Variants in LRRIQ1 observed in about 807,000 individuals in gnomAD.
The protein encoded by LRRIQ1 is leucine rich repeats and IQ motif containing 1, also known as leucine-rich repeat- and IQ domain-containing protein 1.
In LRRIQ1, 210 loss-of-function variants were observed where a neutral mutation model predicts 211.9. That is an observed-to-expected ratio of 0.99 (90% CI 0.89 to 1.11). LRRIQ1 has a LOEUF of 1.11. Ranked by LOEUF, LRRIQ1 falls within the 50% of genes most tolerant of loss-of-function variation. The probability of loss-of-function intolerance (pLI) is 0.00; values close to 1 mark genes in which losing one functional copy is unlikely to be tolerated. For synonymous variants in LRRIQ1, 699 were observed against 650.1 expected (o/e 1.08, Z -1.14); for missense variants, 2,136 against 1,939.5 (o/e 1.10, Z -1.90).
At position 85,052,189 on chromosome 12, in the gene LRRIQ1, A is replaced by G. The variant is rs776954811; in HGVS notation, c.691A>G (p.Lys231Glu). The G allele has an allele frequency of 2.0e-6, 3 of 1,535,752 alleles. No homozygotes were observed. In the African/African-American group the frequency reaches 4.2e-5, roughly 21 times the overall value. The change falls in exon 7 of 27, where the codon AAG (lysine) becomes GAG (glutamate). Residue 231 changes from lysine (K) to glutamate (E), a missense_variant. Transcript: ENST00000393217. ...ATCATATGTTCAGCAAGAACAGGAC[A>G]AGATGAATGATGAACTCTATAAAGA... ...LENIQKQEQD[K>E]MNDELYKEEK...
chr12:85,050,935 A>G (rs1880232571), intron 6 of LRRIQ1, among the ~76,000 whole-genome samples: 1 of 152,126 alleles, frequency 6.6e-6, no homozygotes, highest in Non-Finnish European at 1.5e-5. Context: ...CTATCTACAG[A>G]AGGTCCTACT....
rs997162015 is a variant in LRRIQ1 at position 85,127,850 on chromosome 12, C to G, written c.4026C>G (p.Ile1342Met). The change falls in exon 18 of 27, where the codon ATC (isoleucine) becomes ATG (methionine). Residue 1342 changes from isoleucine (I) to methionine (M), a missense_variant. Transcript: ENST00000393217. ...TTAATAGTATGGCAGCTGTGGTAATCCAGTCATACTGGCGTGGTTACCTCA... is the reference window on the plus strand; with the variant it reads ...TTAATAGTATGGCAGCTGTGGTAATGCAGTCATACTGGCGTGGTTACCTCA... ...PSEKIMAAVV[I>M]QSYWRGYLMR... is the part of the protein sequence containing the mutation. 6.2e-6 allele frequency: 10 copies of G among 1,613,264 alleles called. No individual in the cohort carries two copies. Among genetic ancestry groups the G allele is most frequent in the Non-Finnish European group, 8.5e-6 (10 of 1,179,802 alleles).
chr12:85,212,684 C>T (rs777761941), intron 24 of LRRIQ1, among the ~76,000 whole-genome samples: 2 of 149,798 alleles, frequency 1.3e-5, no homozygotes, highest in African/African-American at 4.9e-5. Flanking sequence ...TTTTAGATTA[C>T]GTTAAATTCC....
chr12:85,127,898 C>T lies in LRRIQ1; in HGVS notation c.4074C>T (p.Ser1358=). 6.2e-7 allele frequency: 1 copy of T among 1,613,996 alleles called. No homozygotes were observed. The highest frequency in any genetic ancestry group is 8.5e-7 in the Non-Finnish European group (1 of 1,180,000). ...TCATGCGCAGACAGACTCATTTCTCCACAAGGCTACATACTGCTGCAACAG... is the reference window on the plus strand; with the variant it reads ...TCATGCGCAGACAGACTCATTTCTCTACAAGGCTACATACTGCTGCAACAG... ...GYLMRRQTHF[S]TRLHTAATEG... The change falls in exon 18 of 27, where the codon TCC becomes TCT. Residue 1358 remains serine, a synonymous_variant. Coordinates refer to ENST00000393217, the MANE Select transcript of LRRIQ1 (RefSeq NM_001079910.2).
intron 26 of LRRIQ1, among the ~76,000 whole-genome samples, chr12:85,236,119 T>C (rs1456867742): frequency 2.0e-5 from 3 of 152,078 alleles, no homozygotes; most frequent in Non-Finnish European, 4.4e-5. Context: ...GTGGACAGAA[T>C]TCAGAAGGTT....
chr12:85,092,720 C>A (rs1885517909), intron 11 of LRRIQ1, among the ~76,000 whole-genome samples: 1 of 152,184 alleles, frequency 6.6e-6, no homozygotes, highest in Admixed American at 6.6e-5. Context: ...CCTGCACTAA[C>A]CTTTGGTGTT....
chr12:85,118,972 C>T (rs561181283), intron 15 of LRRIQ1, among the ~76,000 whole-genome samples: 1 of 152,198 alleles, frequency 6.6e-6, no homozygotes, highest in African/African-American at 2.4e-5. Flanking sequence ...CAAAATTCTG[C>T]ACCAGAGAGG....
intron 11 of LRRIQ1, among the ~76,000 whole-genome samples, chr12:85,082,237 A>G (rs1592758419): frequency 6.6e-6 from 1 of 152,198 alleles, no homozygotes; most frequent in East Asian, 1.9e-4. Context: ...TATTGTTATT[A>G]TTATTAACTT....
chr12:85,217,401 T>C (rs1054540899), intron 24 of LRRIQ1, among the ~76,000 whole-genome samples: 6 of 144,778 alleles, frequency 4.1e-5, no homozygotes, highest in Admixed American at 2.1e-4. Flanking sequence ...TATATGTAAA[T>C]CAGTAGAATT....
At chr12:85,252,991 T>G (rs1895992156) in intron 1 of LRRIQ1, among the ~76,000 whole-genome samples, 1 of 152,008 alleles carries the variant, frequency 6.6e-6, no homozygotes, top group Non-Finnish European at 1.5e-5. Context: ...GATACAGTTT[T>G]TTTAAAGTAG....
intron 24 of LRRIQ1, among the ~76,000 whole-genome samples, chr12:85,220,133 A>G (rs1894329335): frequency 6.6e-6 from 1 of 152,160 alleles, no homozygotes; most frequent in Admixed American, 6.6e-5. Flanking sequence ...TACCAAAAAT[A>G]TTTCCATTGC....
intron 2 of LRRIQ1, among the ~76,000 whole-genome samples, chr12:85,039,387 T>A (rs1878586404): frequency 6.6e-6 from 1 of 151,580 alleles, no homozygotes; most frequent in Non-Finnish European, 1.5e-5. Context: ...ACAATCCAGG[T>A]AGCTTAGAAT....
intron 24 of LRRIQ1, among the ~76,000 whole-genome samples, chr12:85,197,586 C>G (rs1475179190): frequency 6.6e-6 from 1 of 150,860 alleles, no homozygotes; most frequent in Non-Finnish European, 1.5e-5. Context: ...GAACAAAAAA[C>G]CAAACACCAC....
intron 11 of LRRIQ1, chr12:85,076,549 A>G (rs1440063836): frequency 1.5e-6 from 1 of 660,430 alleles, no homozygotes; most frequent in Non-Finnish European, 1.9e-6. Context: ...TTCCTTCTTT[A>G]TTTTCTAGAT....
rs143955993 is a variant in LRRIQ1, at chr12:85,207,851, T to A, written c.4823-21666T>A. Among the ~76,000 whole-genome samples, 196 of 152,282 alleles carry A rather than the reference T, an allele frequency of 1.3e-3. 1 individual carries two copies. The highest frequency in any genetic ancestry group is 4.5e-3 in the African/African-American group (188 of 41,562). On this transcript the variant is annotated intron_variant, in intron 24 of 26. Transcript: ENST00000393217. The stretch of plus-strand genomic sequence containing the variant: ...GATCAGTTGACTATATTTTTGTGGA[T>A]CTATTTCTGACTTGTCTATTATGTT...
At chr12:85,261,765 T>TTTTATTTTATTTA (rs1555231834) in intron 1 of LRRIQ1, among the ~76,000 whole-genome samples, 1 of 139,666 alleles carries the variant, frequency 7.2e-6, no homozygotes, top group Non-Finnish European at 1.5e-5. Context: ...TTTTTGTTTA[T>TTTTATTTTATTTA]TTTATTTATT....
chr12:85,118,407 A>G (rs1251051479), intron 15 of LRRIQ1, among the ~76,000 whole-genome samples: 1 of 151,486 alleles, frequency 6.6e-6, no homozygotes, highest in Non-Finnish European at 1.5e-5. Context: ...TTATTTAAAT[A>G]TTGATGAGAA....
chr12:85,054,677 T>C (rs1033974993), intron 7 of LRRIQ1, among the ~76,000 whole-genome samples: 7 of 151,722 alleles, frequency 4.6e-5, no homozygotes, highest in African/African-American at 1.7e-4. Flanking sequence ...TAATCAGCTA[T>C]CCAGCCATTC....
intron 26 of LRRIQ1, among the ~76,000 whole-genome samples, chr12:85,243,313 TTTATTATTATTA>T (rs10682844): frequency 0.04 from 5,667 of 140,688 alleles, 354 homozygotes; most frequent in African/African-American, 0.13. Context: ...ATGTATAACT[TTTATTATTATTA>T]TTATTATTAT....
Sources: allele counts gnomAD v4.1 joint callset (sites outside exome capture counted in the v4.1 genomes callset), GRCh38; gene constraint gnomAD v4.1.1; transcripts MANE v1.5; gene names NCBI Gene and HGNC (gene_info 2026-07-23, HGNC 2026-07-21).